HS3ST1: variants seen among roughly 807,000 people sequenced by gnomAD.
HS3ST1 encodes the protein heparan sulfate glucosamine 3-O-sulfotransferase 1.
A neutral mutation model predicts 20.7 loss-of-function variants in HS3ST1; 8 were observed. That is an observed-to-expected ratio of 0.39 (90% CI 0.23 to 0.70). The LOEUF (loss-of-function observed/expected upper bound fraction) is 0.70. Among genes scored for constraint, HS3ST1 ranks in the 30% least tolerant of loss-of-function variants. The pLI is 0.46. For missense variants in HS3ST1, 436 were observed against 423.4 expected (o/e 1.03, Z -0.26); for synonymous variants, 205 against 190.4 (o/e 1.08, Z -0.63).
Position 11,398,981 on chromosome 4 carries a change from C to T in HS3ST1, c.*101G>A, listed in dbSNP as rs1718223435. 1 of 1,072,050 alleles carries T rather than the reference C, an allele frequency of 9.3e-7. No homozygotes were observed. The highest frequency in any genetic ancestry group is 1.3e-6 in the Non-Finnish European group (1 of 743,764). The allele number at this position is 1,072,050 out of a possible 1,614,324, so 66.4% of individuals were successfully genotyped here. A position where few individuals can be genotyped will look rare whatever the true frequency, so the allele number is the denominator to read the frequency against. ...GTACAGAAGTACTTTATGGATTTTACAAATAAATTATACCTTAAATGCTTT... is the reference window on the plus strand; with the variant it reads ...GTACAGAAGTACTTTATGGATTTTATAAATAAATTATACCTTAAATGCTTT... On this transcript the variant is annotated 3_prime_UTR_variant, in exon 2 of 2. Transcript: ENST00000002596.
rs771585976 is a variant in HS3ST1 at position 11,399,912 on chromosome 4, G to A, written c.94C>T (p.Arg32Trp). The A allele has an allele frequency of 3.1e-5, 49 of 1,604,922 alleles. No individual in the cohort carries two copies. The highest frequency in any genetic ancestry group is 3.9e-5 in the Non-Finnish European group (46 of 1,177,650). The change falls in exon 2 of 2, where the codon CGG becomes TGG. Residue 32 changes from arginine (R) to tryptophan (W), a missense_variant. Coordinates refer to ENST00000002596, the MANE Select transcript of HS3ST1 (RefSeq NM_005114.4). The surrounding 1 kb of genome is among the most constrained non-coding windows in gnomAD (Gnocchi z 5.1). ...PAELGQQELL[R>W]KAGTLQDDVR... ...TCATCCTGGAGGGTCCCCGCTTTCC[G>A]CAGAAGCTCCTGCTGGCCTAGCTCG... is the stretch of plus-strand genomic sequence containing the variant.
rs1227656024 is a variant in HS3ST1, at chr4:11,394,443, C to T, written c.*4639G>A. ...ATGTCCTCTTTAGCTTTGGCCTTCT[C>T]TCACTGTGTGCTGTTTGGAGAACTC... On this transcript the variant is annotated 3_prime_UTR_variant, in exon 2 of 2. Transcript: ENST00000002596. 2 of 152,358 alleles carry T rather than the reference C, an allele frequency of 1.3e-5. No individual in the cohort carries two copies. Among genetic ancestry groups the T allele is most frequent in the East Asian group, 3.9e-4 (2 of 5,192 alleles). 9.4% of individuals were successfully genotyped at this position (152,358 alleles called of 1,614,324 possible). A position where few individuals can be genotyped will look rare whatever the true frequency, so the allele number is the denominator to read the frequency against.
At chr4:11,405,278 G>A (rs1197589680) in intron 1 of HS3ST1, among the ~76,000 whole-genome samples, 1 of 152,172 alleles carries the variant, frequency 6.6e-6, no homozygotes, top group Non-Finnish European at 1.5e-5. Flanking sequence ...GAAAACCCAA[G>A]GCCTGAGTTT....
intron 1 of HS3ST1, among the ~76,000 whole-genome samples, chr4:11,419,851 C>T (rs1308403429): frequency 2.0e-5 from 3 of 152,092 alleles, no homozygotes; most frequent in South Asian, 2.1e-4. Context: ...AAATTCTGAC[C>T]GTGAACCAGA....
rs1474321567 is a variant in HS3ST1, at chr4:11,400,002, C to A, written c.4G>T (p.Ala2Ser). 2 of 1,510,318 alleles carry A rather than the reference C, an allele frequency of 1.3e-6. No homozygotes were observed. The highest frequency in any genetic ancestry group is 2.5e-5 in the East Asian group (1 of 40,584). The allele number at this position is 1,510,318 out of a possible 1,614,324, so 93.6% of individuals were successfully genotyped here. The change falls in exon 2 of 2, where the codon GCC (alanine) becomes TCC (serine). Residue 2 changes from alanine to serine, a missense_variant. Ala to Ser is a moderately conservative substitution (Grantham distance 99, BLOSUM62 1). Coordinates refer to ENST00000002596, the MANE Select transcript of HS3ST1 (RefSeq NM_005114.4). ...AGCACCGCGCCCAGGAGCAGCGCGG[C>A]CATGCTGGACACCACGGTGGCTTCA... M[A>S]ALLLGAVLLV...
intron 1 of HS3ST1, among the ~76,000 whole-genome samples, chr4:11,418,503 C>T (rs573216850): frequency 1.4e-4 from 22 of 152,202 alleles, no homozygotes; most frequent in Non-Finnish European, 2.8e-4. Flanking sequence ...TCAAATACTA[C>T]ACTCCCTTTT....
At chr4:11,420,674 T>G (rs1577447533) in intron 1 of HS3ST1, among the ~76,000 whole-genome samples, 1 of 152,212 alleles carries the variant, frequency 6.6e-6, no homozygotes, top group Non-Finnish European at 1.5e-5. Context: ...TTTGGTGACA[T>G]AAGCAAGAAT....
intron 1 of HS3ST1, among the ~76,000 whole-genome samples, chr4:11,407,177 T>C (rs1718488394): frequency 6.6e-6 from 1 of 152,212 alleles, no homozygotes; most frequent in East Asian, 1.9e-4. Flanking sequence ...CTTATGGTAA[T>C]TGCTGTGAGG....
rs185731567 is a variant in HS3ST1, at chr4:11,403,592, G to C, written c.-108-3479C>G. Among the ~76,000 whole-genome samples the C allele has an allele frequency of 4.6e-5, 7 of 152,300 alleles. No individual in the cohort carries two copies. In the East Asian group the frequency reaches 1.3e-3, roughly 29 times the overall value. ...GCTGTTACTACTGTCTTCCGAGTAA[G>C]TGGTTGTAATGTAAAATAATGACAA... On this transcript the variant is annotated intron_variant, in intron 1 of 1. Coordinates refer to ENST00000002596, the MANE Select transcript of HS3ST1 (RefSeq NM_005114.4).
chr4:11,410,841 A>G (rs1006603966), intron 1 of HS3ST1, among the ~76,000 whole-genome samples: 8 of 152,154 alleles, frequency 5.3e-5, no homozygotes, highest in South Asian at 2.1e-4. Flanking sequence ...GCAGTGAGCC[A>G]AGATCACACC....
rs1243144814 is a variant in HS3ST1 at position 11,399,618 on chromosome 4, G to T, written c.388C>A (p.Pro130Thr). 6.2e-7 allele frequency: 1 copy of T among 1,613,812 alleles called. No homozygotes were observed. Among genetic ancestry groups the T allele is most frequent in the Non-Finnish European group, 8.5e-7 (1 of 1,180,042 alleles). ...TPAYFTSPKVPERVYSMNPSI... is the reference protein window; with the variant it reads ...TPAYFTSPKVTERVYSMNPSI... ...GGGTTCATGCTGTAGACTCGCTCAG[G>T]CACTTTGGGCGACGTGAAATACGCG... is the stretch of plus-strand genomic sequence containing the variant. Residue 130 changes from proline to threonine, a missense_variant, in exon 2 of 2, where the codon CCT becomes ACT. Physicochemically the swap from Pro to Thr is conservative, Grantham distance 38. Coordinates refer to ENST00000002596, the MANE Select transcript of HS3ST1 (RefSeq NM_005114.4). The surrounding 1 kb of genome is among the most constrained non-coding windows in gnomAD (Gnocchi z 5.1).
rs1234880766 is a variant in HS3ST1 at position 11,408,940 on chromosome 4, GA to G, written c.-108-8828del. Among the ~76,000 whole-genome samples, 4 of 152,244 alleles carry G rather than the reference GA, an allele frequency of 2.6e-5. No individual in the cohort carries two copies. The East Asian group carries it at 7.7e-4, about 29-fold the overall frequency. On this transcript the variant is annotated intron_variant, in intron 1 of 1. Transcript: ENST00000002596. ...GTGGACAGTCATCTGTCACCCTGCA[GA>G]TGGTGAGTACCCACAAATCTTTTAT...
intron 1 of HS3ST1, among the ~76,000 whole-genome samples, chr4:11,416,503 C>T (rs115934955): frequency 0.014 from 2,093 of 152,268 alleles, 24 homozygotes; most frequent in Non-Finnish European, 0.018. Context: ...GGTGGTGCCT[C>T]GTTCAGGGTA....
At position 11,395,451 on chromosome 4, in the gene HS3ST1, T is replaced by A. The variant is rs948234276; in HGVS notation, c.*3631A>T. 15 of 151,050 alleles carry A rather than the reference T, an allele frequency of 9.9e-5. No individual in the cohort carries two copies. The highest frequency in any genetic ancestry group is 3.6e-4 in the African/African-American group (15 of 41,336). The allele number at this position is 151,050 out of a possible 1,614,324, so 9.4% of individuals were successfully genotyped here. On this transcript the variant is annotated 3_prime_UTR_variant, in exon 2 of 2. Transcript: ENST00000002596. ...TGACTTGAAGTCAGGATTACTTTTT[T>A]ATTTTTTTATTATTAATTTATCTTT...
intron 1 of HS3ST1, among the ~76,000 whole-genome samples, chr4:11,403,500 C>T (rs1718383490): frequency 6.6e-6 from 1 of 152,164 alleles, no homozygotes. Flanking sequence ...GATGACTTGC[C>T]CAGTGTCACA....
intron 1 of HS3ST1, among the ~76,000 whole-genome samples, chr4:11,410,326 T>C (rs224459): frequency 0.29 from 44,316 of 152,114 alleles, 8,014 homozygotes; most frequent in Admixed American, 0.44. Context: ...AGATGGGAGC[T>C]GGCAGAGGGT....
At chr4:11,425,946 A>C (rs1408482128) in intron 1 of HS3ST1, among the ~76,000 whole-genome samples, 2 of 133,990 alleles carry the variant, frequency 1.5e-5, no homozygotes, top group African/African-American at 6.8e-5. Context: ...GGGGAAAAAA[A>C]CTGGGAATAG....
At position 11,399,567 on chromosome 4, in the gene HS3ST1, G is replaced by A. The variant is rs771189478; in HGVS notation, c.439C>T (p.Arg147Ter). 1 of 1,613,832 alleles carries A rather than the reference G, an allele frequency of 6.2e-7. No individual in the cohort carries two copies. The highest frequency in any genetic ancestry group is 8.5e-7 in the Non-Finnish European group (1 of 1,180,022). The stretch of plus-strand genomic sequence containing the variant: ...GATAGCACGCGCTCCGACGGGTCTC[G>A]CAGGATGAGCAGCAGCCGGATGGAC... ...NPSIRLLLIL[R>*]DPSERVLSDY... The change falls in exon 2 of 2, where the codon CGA (arginine) becomes TGA (stop). Residue 147 changes from arginine (R) to a stop codon, truncating the protein, a stop_gained. Transcript: ENST00000002596. LOFTEE classifies it high-confidence loss of function. The surrounding 1 kb of genome is among the most constrained non-coding windows in gnomAD (Gnocchi z 5.1).
At chr4:11,406,733 G>A (rs1480021180) in intron 1 of HS3ST1, among the ~76,000 whole-genome samples, 3 of 152,094 alleles carry the variant, frequency 2.0e-5, no homozygotes, top group African/African-American at 7.2e-5. Context: ...TGAGATAGAA[G>A]TGTGAGATTT....
Sources: gnomAD v4.1 joint callset for allele counts (sites outside exome capture counted in the v4.1 genomes callset) on GRCh38, gnomAD v4.1.1 for gene constraint, Gnocchi (gnomAD v3.1) non-coding constraint, MANE v1.5 for transcripts, NCBI Gene and HGNC (gene_info 2026-07-23, HGNC 2026-07-21) for gene names.